PNPT1: variants seen among roughly 807,000 people sequenced by gnomAD.
PNPT1 encodes the protein polyribonucleotide nucleotidyltransferase 1, mitochondrial.
In PNPT1, 53 loss-of-function variants were observed where a neutral mutation model predicts 119.5. The observed-to-expected ratio is 0.44, with a 90% CI of 0.36 to 0.56. The LOEUF is 0.56. Ranked by LOEUF, PNPT1 falls within the 20% of genes least tolerant of loss-of-function variation. The probability of loss-of-function intolerance (pLI) is 0.00; values close to 1 mark genes in which losing one functional copy is unlikely to be tolerated. For synonymous variants in PNPT1, 357 were observed against 322.1 expected (o/e 1.11, Z -1.16); for missense variants, 948 against 938.5 (o/e 1.01, Z -0.13).
At chr2:55,671,887 G>C (rs1225538130) in intron 10 of PNPT1, 108 bp downstream of exon 10, 32 of 778,806 alleles carry the variant, frequency 4.1e-5, no homozygotes, top group Non-Finnish European at 5.6e-5. Context: ...TTTTCATTTA[G>C]AGATTTTTAA....
In PNPT1 at chr2:55,687,626, A is replaced by T. The variant is rs1697454407; in HGVS notation, c.222+19T>A. The T allele has an allele frequency of 6.4e-7, 1 of 1,550,668 alleles. No individual in the cohort carries two copies. The highest frequency in any genetic ancestry group is 1.2e-5 in the South Asian group (1 of 82,564). The stretch of plus-strand genomic sequence containing the variant: ...CGTAACCATTTTTAAGATGAATTTT[A>T]AAAATCTGGACTTTTTACCTGTACT... On this transcript the variant is annotated intron_variant, in intron 2 of 27. Transcript: ENST00000447944.
In PNPT1 at chr2:55,683,767, A is replaced by G. The variant is rs960378787; in HGVS notation, c.453+18T>C. 6.2e-7 allele frequency: 1 copy of G among 1,603,456 alleles called. No individual in the cohort carries two copies. On this transcript the variant is annotated intron_variant, in intron 5 of 27. Transcript: ENST00000447944. Reference sequence around the variant, plus strand: ...TTTTGATTGATCTGGCAACTAAAAAACCTAAAGCAGAATCTACCTGTGTAT... The same window carrying G: ...TTTTGATTGATCTGGCAACTAAAAAGCCTAAAGCAGAATCTACCTGTGTAT...
At chr2:55,638,063 A>C (rs896297168) in intron 26 of PNPT1, among the ~76,000 whole-genome samples, 1 of 151,492 alleles carries the variant, frequency 6.6e-6, no homozygotes, top group Non-Finnish European at 1.5e-5. Context: ...GAACTTTGGG[A>C]GGCTGGGGCA....
chr2:55,648,076 C>G (rs527776211), intron 18 of PNPT1, among the ~76,000 whole-genome samples: 1 of 152,284 alleles, frequency 6.6e-6, no homozygotes, highest in African/African-American at 2.4e-5. Flanking sequence ...GGAAAGTAAG[C>G]ATCTATTTGG....
chr2:55,646,145 G>A (rs768816354), intron 21 of PNPT1, 114 bp downstream of exon 21: 6 of 1,053,438 alleles, frequency 5.7e-6, no homozygotes, highest in Non-Finnish European at 8.2e-6. Context: ...CTTGATCTAA[G>A]TTATATGAAA....
intron 18 of PNPT1, among the ~76,000 whole-genome samples, chr2:55,651,885 C>CAA: frequency 0.4 from 47,298 of 119,134 alleles, 9,422 homozygotes; most frequent in Non-Finnish European, 0.48. Flanking sequence ...AAAGGAAAGT[C>CAA]AAAAAAAAAA....
Position 55,683,780 on chromosome 2 carries a change from T to C in PNPT1, c.453+5A>G. Reference sequence around the variant, plus strand: ...GGCAACTAAAAAACCTAAAGCAGAATCTACCTGTGTATCATAGAAGTAGCC... The same window carrying C: ...GGCAACTAAAAAACCTAAAGCAGAACCTACCTGTGTATCATAGAAGTAGCC... On this transcript the variant is annotated splice_donor_5th_base_variant and intron_variant, in intron 5 of 27. Transcript: ENST00000447944. 4.3e-6 allele frequency: 7 copies of C among 1,610,526 alleles called. No individual in the cohort carries two copies. The highest frequency in any genetic ancestry group is 5.9e-6 in the Non-Finnish European group (7 of 1,177,738).
intron 19 of PNPT1, among the ~76,000 whole-genome samples, chr2:55,647,064 T>C (rs1254125407): frequency 6.6e-6 from 1 of 152,266 alleles, no homozygotes; most frequent in South Asian, 2.1e-4. Context: ...CTGGAACTCC[T>C]GACTTCCCAA....
At chr2:55,658,305 A>T (rs1312422319) in intron 15 of PNPT1, among the ~76,000 whole-genome samples, 2 of 152,174 alleles carry the variant, frequency 1.3e-5, no homozygotes, top group Non-Finnish European at 2.9e-5. Flanking sequence ...TAGTATCTAA[A>T]AATGGAGCCA....
chr2:55,692,551 G>C (rs1181226532), intron 1 of PNPT1, among the ~76,000 whole-genome samples: 2 of 151,980 alleles, frequency 1.3e-5, no homozygotes, highest in Non-Finnish European at 1.5e-5. Flanking sequence ...AAAAAAGTAT[G>C]GGCTTTGTAA....
chr2:55,653,355 T>A (rs1303650708), intron 18 of PNPT1, among the ~76,000 whole-genome samples: 1 of 152,250 alleles, frequency 6.6e-6, no homozygotes, highest in Non-Finnish European at 1.5e-5. Flanking sequence ...ATCCTGAAGT[T>A]CTCATTATAG....
Position 55,643,152 on chromosome 2 carries a change from T to C in PNPT1, c.2069+6A>G. 1 of 1,613,900 alleles carries C rather than the reference T, an allele frequency of 6.2e-7. No individual in the cohort carries two copies. Among genetic ancestry groups the C allele is most frequent in the East Asian group, 2.2e-5 (1 of 44,886 alleles). ...ATGCTCAGCATAGTATATTACTTGA[T>C]ATTACCTGATTTCAGTTATTGTGGC... is the stretch of plus-strand genomic sequence containing the variant. On this transcript the variant is annotated splice_donor_region_variant and intron_variant, in intron 25 of 27. Transcript: ENST00000447944.
At chr2:55,638,506 G>T (rs996405097) in intron 26 of PNPT1, among the ~76,000 whole-genome samples, 1 of 151,910 alleles carries the variant, frequency 6.6e-6, no homozygotes, top group East Asian at 1.9e-4. Flanking sequence ...AAAATTAGCC[G>T]GGTGTAGCGG....
chr2:55,639,058 G>C (rs1695761791), intron 26 of PNPT1, among the ~76,000 whole-genome samples: 1 of 152,098 alleles, frequency 6.6e-6, no homozygotes, highest in African/African-American at 2.4e-5. Flanking sequence ...TTACAGGCGT[G>C]AGCCACTGCA....
rs540525991 is a variant in PNPT1 at position 55,687,927 on chromosome 2, C to T, written c.162-222G>A. ...AACCAAGGCACAGGATTGATCTGAA[C>T]AGGAAAGTCTTTTGGAGGTTCAGAA... On this transcript the variant is annotated intron_variant, in intron 1 of 27. Transcript: ENST00000447944. Among the ~76,000 whole-genome samples the T allele has an allele frequency of 3.3e-5, 5 of 152,034 alleles. No individual in the cohort carries two copies. In the East Asian group the frequency reaches 5.8e-4, roughly 18 times the overall value.
At chr2:55,688,562 A>C (rs1055776536) in intron 1 of PNPT1, among the ~76,000 whole-genome samples, 1 of 151,996 alleles carries the variant, frequency 6.6e-6, no homozygotes, top group Non-Finnish European at 1.5e-5. Context: ...CCATCTCTAC[A>C]AAAAATATCA....
At chr2:55,671,865 G>A in intron 10 of PNPT1, 130 bp downstream of exon 10, 1 of 678,246 alleles carries the variant, frequency 1.5e-6, no homozygotes. Flanking sequence ...AAACAATTAG[G>A]CTTTTGTTAG....
chr2:55,653,478 G>C (rs1234835390), intron 18 of PNPT1, among the ~76,000 whole-genome samples: 1 of 152,040 alleles, frequency 6.6e-6, no homozygotes, highest in Non-Finnish European at 1.5e-5. Context: ...TTCAAGATTT[G>C]TTCAGTGTTT....
At chr2:55,669,872 C>A (rs1413014097) in intron 11 of PNPT1, among the ~76,000 whole-genome samples, 3 of 151,382 alleles carry the variant, frequency 2.0e-5, no homozygotes, top group African/African-American at 4.9e-5. Context: ...GATTCTCATG[C>A]CTCAGCCTCC....
Sources: gnomAD v4.1 joint callset for allele counts (sites outside exome capture counted in the v4.1 genomes callset) on GRCh38, gnomAD v4.1.1 for gene constraint, MANE v1.5 for transcripts, NCBI Gene and HGNC (gene_info 2026-07-23, HGNC 2026-07-21) for gene names.